Variants in PALLD observed in about 807,000 individuals in gnomAD.
The protein encoded by PALLD is palladin, cytoskeletal associated protein.
A neutral mutation model predicts 123.5 loss-of-function variants in PALLD; 61 were observed. That is an observed-to-expected ratio of 0.49 (90% CI 0.40 to 0.61). PALLD has a LOEUF of 0.61. PALLD is among the 20% of genes least tolerant of loss of function. The pLI is 0.00. For synonymous variants in PALLD, 465 were observed against 496.4 expected, an observed-to-expected ratio of 0.94 and a Z score of 0.84; for missense variants, 1,273 against 1,377.0, an observed-to-expected ratio of 0.92 and a Z score of 1.20.
intron 2 of PALLD, among the ~76,000 whole-genome samples, chr4:168,521,880 T>A (rs1035781566): frequency 2.0e-5 from 3 of 152,140 alleles, no homozygotes; most frequent in East Asian, 1.9e-4. Context: ...CTATTTTTTT[T>A]ATACATTTTT....
intron 10 of PALLD, among the ~76,000 whole-genome samples, chr4:168,829,802 G>A (rs1743933695): frequency 6.6e-6 from 1 of 152,206 alleles, no homozygotes. Flanking sequence ...TAGGCAAAGT[G>A]ATTTTCACTC....
At chr4:168,790,285 C>T (rs1737326847) in intron 10 of PALLD, among the ~76,000 whole-genome samples, 2 of 152,024 alleles carry the variant, frequency 1.3e-5, no homozygotes, top group African/African-American at 4.8e-5. Flanking sequence ...CCTCAGCCTC[C>T]CCAGTACCTG....
chr4:168,553,686 TTTGTTGTTGTTG>T (rs147504799), intron 2 of PALLD, among the ~76,000 whole-genome samples: 2 of 151,762 alleles, frequency 1.3e-5, no homozygotes, highest in Non-Finnish European at 2.9e-5. Context: ...TTTACCCATT[TTTGTTGTTGTTG>T]TTGTTGTTGT....
intron 2 of PALLD, among the ~76,000 whole-genome samples, chr4:168,657,000 A>G (rs1159615990): frequency 1.3e-5 from 2 of 152,214 alleles, no homozygotes; most frequent in East Asian, 1.9e-4. Flanking sequence ...GGCTTGCCGT[A>G]TTACTGATGT....
chr4:168,519,700 T>G (rs982289189), intron 2 of PALLD, among the ~76,000 whole-genome samples: 1 of 152,110 alleles, frequency 6.6e-6, no homozygotes, highest in East Asian at 1.9e-4. Flanking sequence ...ACACACACTA[T>G]GGACCTGGTT....
intron 10 of PALLD, among the ~76,000 whole-genome samples, chr4:168,739,716 T>C (rs1788139705): frequency 1.3e-5 from 2 of 152,108 alleles, no homozygotes; most frequent in South Asian, 2.1e-4. Flanking sequence ...TTTTTAAAAG[T>C]CCAGACAAGA....
chr4:168,924,116 G>T, intron 18 of PALLD, 139 bp from the exon 19 acceptor site: 1 of 699,382 alleles, frequency 1.4e-6, no homozygotes, highest in Admixed American at 2.4e-5. Flanking sequence ...ATTTGGAGAG[G>T]GGACTAGCAT....
intron 2 of PALLD, among the ~76,000 whole-genome samples, chr4:168,584,454 T>A (rs917242179): frequency 2.6e-5 from 4 of 152,190 alleles, no homozygotes; most frequent in Non-Finnish European, 4.4e-5. Flanking sequence ...AACCAAAAAT[T>A]GTTATTTTGG....
intron 1 of PALLD, among the ~76,000 whole-genome samples, chr4:168,500,951 T>A (rs1761337568): frequency 6.6e-6 from 1 of 152,226 alleles, no homozygotes; most frequent in South Asian, 2.1e-4. Flanking sequence ...ATTACTTATG[T>A]CAAATGTGTA....
chr4:168,900,164 A>AG (rs1417607651), intron 14 of PALLD, among the ~76,000 whole-genome samples: 1 of 152,146 alleles, frequency 6.6e-6, no homozygotes, highest in Non-Finnish European at 1.5e-5. Context: ...CTTACCACCA[A>AG]GGGGATGGTG....
chr4:168,566,936 T>C (rs1289779856), intron 2 of PALLD, among the ~76,000 whole-genome samples: 2 of 152,144 alleles, frequency 1.3e-5, no homozygotes, highest in African/African-American at 4.8e-5. Context: ...ATACACCAGA[T>C]TGTTCTTTCA....
intron 10 of PALLD, among the ~76,000 whole-genome samples, chr4:168,876,134 A>G (rs910484245): frequency 4.6e-5 from 7 of 152,190 alleles, no homozygotes; most frequent in African/African-American, 1.7e-4. Flanking sequence ...ACATCCTGGG[A>G]CTGGGATGCA....
intron 2 of PALLD, among the ~76,000 whole-genome samples, chr4:168,594,156 T>A (rs1771738562): frequency 6.6e-6 from 1 of 152,076 alleles, no homozygotes; most frequent in African/African-American, 2.4e-5. Context: ...CTGGACAAAC[T>A]TTTTAAAAGA....
At chr4:168,550,971 C>T (rs1410947321) in intron 2 of PALLD, among the ~76,000 whole-genome samples, 1 of 152,176 alleles carries the variant, frequency 6.6e-6, no homozygotes, top group Non-Finnish European at 1.5e-5. Context: ...GTAGCTTCTA[C>T]AAAGTTTGCA....
At chr4:168,747,420 A>T (rs1056123597) in intron 10 of PALLD, among the ~76,000 whole-genome samples, 1 of 152,254 alleles carries the variant, frequency 6.6e-6, no homozygotes. Context: ...CAAACAGGAT[A>T]TGTAGCCTAG....
chr4:168,503,239 C>G (rs904855504), intron 1 of PALLD, among the ~76,000 whole-genome samples: 2 of 152,166 alleles, frequency 1.3e-5, no homozygotes, highest in Non-Finnish European at 2.9e-5. Context: ...GTGAGAAACG[C>G]AATGCAAAGT....
At chr4:168,819,864 A>T (rs1005220783) in intron 10 of PALLD, among the ~76,000 whole-genome samples, 1 of 152,216 alleles carries the variant, frequency 6.6e-6, no homozygotes, top group South Asian at 2.1e-4. Context: ...CCAACCCTCT[A>T]TAGTGGAGAT....
At chr4:168,536,827 CT>C (rs1302215299) in intron 2 of PALLD, among the ~76,000 whole-genome samples, 7 of 121,882 alleles carry the variant, frequency 5.7e-5, no homozygotes, top group Non-Finnish European at 1.2e-4. Flanking sequence ...TGAAAAGGTT[CT>C]CTCTTTTTTT....
Position 168,878,368 on chromosome 4 carries a change from G to C in PALLD, c.1965-12554G>C, listed in dbSNP as rs1355223507. On this transcript the variant is annotated intron_variant, in intron 10 of 21. Transcript: ENST00000505667. ...CGCCGCCGGCGGCCGTCAACGCCCT[G>C]GGGCTGCCCAAGGGTGTCACCCCCG... The C allele has an allele frequency of 4.0e-6, 6 of 1,515,184 alleles. No individual in the cohort carries two copies. Among genetic ancestry groups the C allele is most frequent in the Non-Finnish European group, 5.3e-6 (6 of 1,138,394 alleles). 93.9% of individuals were successfully genotyped at this position (1,515,184 alleles called of 1,614,324 possible).
Sources: allele counts gnomAD v4.1 joint callset (sites outside exome capture counted in the v4.1 genomes callset), GRCh38; gene constraint gnomAD v4.1.1; transcripts MANE v1.5; gene names NCBI Gene and HGNC (gene_info 2026-07-23, HGNC 2026-07-21).